The following RASAL2 variants were observed in gnomAD, a reference collection of about 807,000 sequenced individuals.
RASAL2 encodes RAS protein activator like 2.
Under a neutral mutation model 128.9 loss-of-function variants are expected in RASAL2, and 58 were observed. The observed-to-expected ratio is 0.45, with a 90% CI of 0.36 to 0.56. The LOEUF (loss-of-function observed/expected upper bound fraction) is 0.56, where lower values mean the gene tolerates loss of function less well. RASAL2 is among the 20% of genes least tolerant of loss of function. The pLI, the probability that RASAL2 is intolerant of heterozygous loss-of-function variation, is 0.00. For missense variants in RASAL2, 1,360 were observed against 1,601.6 expected, an observed-to-expected ratio of 0.85 and a Z score of 2.57; for synonymous variants, 561 against 580.8, an observed-to-expected ratio of 0.97 and a Z score of 0.49.
chr1:178,464,108 T>C (rs1647387194), intron 14 of RASAL2, among the ~76,000 whole-genome samples, 170 bp from the exon 15 acceptor site: 1 of 152,214 alleles, frequency 6.6e-6, no homozygotes, highest in Non-Finnish European at 1.5e-5. Context: ...CAAATGTATA[T>C]TCTCTTTCCC....
intron 1 of RASAL2, among the ~76,000 whole-genome samples, chr1:178,176,014 C>T (rs1253766728): frequency 1.3e-5 from 2 of 152,098 alleles, no homozygotes; most frequent in African/African-American, 4.8e-5. Context: ...CAACAATAAA[C>T]ATACATATAC....
At chr1:178,423,430 G>A (rs1193323487) in intron 5 of RASAL2, among the ~76,000 whole-genome samples, 1 of 152,066 alleles carries the variant, frequency 6.6e-6, no homozygotes, top group Non-Finnish European at 1.5e-5. Context: ...TTATCAATAT[G>A]TTGAAAGAAT....
chr1:178,297,079 A>G (rs1467435988), intron 2 of RASAL2, among the ~76,000 whole-genome samples: 1 of 152,132 alleles, frequency 6.6e-6, no homozygotes, highest in Non-Finnish European at 1.5e-5. Flanking sequence ...CTCTCATGTT[A>G]TAGAACTTGG....
intron 1 of RASAL2, among the ~76,000 whole-genome samples, chr1:178,147,687 A>G (rs1167546724): frequency 3.3e-5 from 5 of 152,178 alleles, no homozygotes; most frequent in Non-Finnish European, 7.3e-5. Flanking sequence ...TAGGTTGTAT[A>G]CATATGTGCA....
intron 1 of RASAL2, among the ~76,000 whole-genome samples, chr1:178,108,998 G>A (rs1004166275): frequency 1.3e-5 from 2 of 152,000 alleles, no homozygotes; most frequent in Non-Finnish European, 2.9e-5. Flanking sequence ...TTCTATAAAA[G>A]CATGTCTTTC....
chr1:178,308,790 C>A (rs1436504417), intron 3 of RASAL2, among the ~76,000 whole-genome samples: 1 of 152,028 alleles, frequency 6.6e-6, no homozygotes, highest in Non-Finnish European at 1.5e-5. Context: ...AACCCTGGCC[C>A]TTTCTGTTAG....
chr1:178,213,925 A>G (rs1467221364), intron 1 of RASAL2, among the ~76,000 whole-genome samples: 2 of 151,818 alleles, frequency 1.3e-5, no homozygotes, highest in South Asian at 2.1e-4. Flanking sequence ...AAACCCTGAA[A>G]AGAATATATT....
intron 3 of RASAL2, among the ~76,000 whole-genome samples, chr1:178,322,063 C>T (rs185260523): frequency 2.0e-5 from 3 of 151,962 alleles, no homozygotes; most frequent in Non-Finnish European, 4.4e-5. Flanking sequence ...AAACTCCTCA[C>T]CTCAAGTGAT....
chr1:178,138,118 T>C (rs1043861544), intron 1 of RASAL2, among the ~76,000 whole-genome samples: 2 of 152,204 alleles, frequency 1.3e-5, no homozygotes, highest in Non-Finnish European at 2.9e-5. Context: ...AAAAATATTA[T>C]ATTTTTGGAA....
chr1:178,141,041 T>C (rs1660504607), intron 1 of RASAL2, among the ~76,000 whole-genome samples: 2 of 152,074 alleles, frequency 1.3e-5, no homozygotes, highest in Admixed American at 6.6e-5. Context: ...TACATACTTT[T>C]TAAACAGCCA....
intron 2 of RASAL2, among the ~76,000 whole-genome samples, chr1:178,290,582 A>G (rs1667232881): frequency 6.6e-6 from 1 of 152,226 alleles, no homozygotes; most frequent in African/African-American, 2.4e-5. Context: ...CAACGTTGTG[A>G]ATGTACTAAA....
Position 178,458,254 on chromosome 1 carries a change from C to T in RASAL2, c.2962C>T (p.Arg988Trp), listed in dbSNP as rs781506747. The T allele has an allele frequency of 6.4e-5, 104 of 1,614,224 alleles. No individual in the cohort carries two copies. Among genetic ancestry groups the T allele is most frequent in the Admixed American group, 1.7e-4 (10 of 60,026 alleles). The change falls in exon 14 of 18, where the codon CGG (arginine) becomes TGG (tryptophan). Residue 988 changes from arginine to tryptophan, a missense_variant. Physicochemically the swap from Arg to Trp is moderately radical, Grantham distance 101. Transcript: ENST00000367649. ...CACTCAGAGTGAGGACTTCTCCAGG[C>T]GGCACACGGTGCCAGATAGACACAT... is the stretch of plus-strand genomic sequence containing the variant. ...RSTQSEDFSR[R>W]HTVPDRHIPL... is the part of the protein sequence containing the mutation.
chr1:178,445,999 C>T (rs914748505), intron 9 of RASAL2, among the ~76,000 whole-genome samples: 9 of 152,136 alleles, frequency 5.9e-5, no homozygotes, highest in African/African-American at 2.2e-4. Flanking sequence ...GATATTATTA[C>T]CTAGTCTTGA....
At position 178,457,925 on chromosome 1, in the gene RASAL2, A is replaced by G; in HGVS notation, c.2633A>G (p.Gln878Arg). 2.5e-6 allele frequency: 4 copies of G among 1,614,190 alleles called. No individual in the cohort carries two copies. Among genetic ancestry groups the G allele is most frequent in the Non-Finnish European group, 3.4e-6 (4 of 1,180,020 alleles). ...LDVPIRLTGS[Q>R]LSITQVASIK... The stretch of plus-strand genomic sequence containing the variant: ...GTGCCTATACGCTTGACCGGAAGCC[A>G]GCTTTCCATAACCCAGGTGGCCAGC... Residue 878 changes from glutamine to arginine, a missense_variant, in exon 14 of 18, where the codon CAG becomes CGG. By Grantham distance (43) the Gln-to-Arg change is conservative. Around this residue, in one of 3 missense-constraint regions of RASAL2, gnomAD observed 741 missense variants for 868.6 expected, o/e 0.85. Transcript: ENST00000367649.
intron 3 of RASAL2, among the ~76,000 whole-genome samples, chr1:178,383,862 G>T (rs945698426): frequency 6.6e-6 from 1 of 152,162 alleles, no homozygotes; most frequent in African/African-American, 2.4e-5. Context: ...CAAAATGCAA[G>T]GGAAAATAGA....
At chr1:178,462,980 CTGAT>C (rs1388233017) in intron 14 of RASAL2, among the ~76,000 whole-genome samples, 6 of 152,260 alleles carry the variant, frequency 3.9e-5, no homozygotes, top group African/African-American at 1.2e-4. Context: ...CAACCCATCT[CTGAT>C]AGCCTTTTAG....
intron 1 of RASAL2, among the ~76,000 whole-genome samples, chr1:178,261,036 G>A (rs1167646113): frequency 6.6e-6 from 1 of 152,200 alleles, no homozygotes; most frequent in Non-Finnish European, 1.5e-5. Context: ...GAGCCAGAAG[G>A]TGTGGAGGTC....
intron 1 of RASAL2, among the ~76,000 whole-genome samples, chr1:178,124,499 A>G (rs1659823904): frequency 6.6e-6 from 1 of 152,244 alleles, no homozygotes; most frequent in South Asian, 2.1e-4. Context: ...AATATAATTT[A>G]GTTTGCAGTC....
intron 3 of RASAL2, among the ~76,000 whole-genome samples, chr1:178,332,813 A>T (rs1669395479): frequency 6.6e-6 from 1 of 151,396 alleles, no homozygotes; most frequent in African/African-American, 2.4e-5. Flanking sequence ...ACGGGGTTTC[A>T]CCGTGGTCTC....
Sources: allele counts gnomAD v4.1 joint callset (sites outside exome capture counted in the v4.1 genomes callset), GRCh38; gene constraint gnomAD v4.1.1; regional missense constraint gnomAD v4.1.1; transcripts MANE v1.5; gene names NCBI Gene and HGNC (gene_info 2026-07-23, HGNC 2026-07-21).